Variants in PXDN observed in about 807,000 individuals in gnomAD.
The protein encoded by PXDN is peroxidasin homolog.
In PXDN, 77 loss-of-function variants were observed where a neutral mutation model predicts 140.3. The ratio of observed to expected loss-of-function variants is 0.55; its 90% CI spans 0.46 to 0.66. PXDN has a LOEUF of 0.66. Ranked by LOEUF, PXDN falls within the 30% of genes least tolerant of loss-of-function variation. The pLI, the probability that PXDN is intolerant of heterozygous loss-of-function variation, is 0.00. For synonymous variants in PXDN, 911 were observed against 857.4 expected, an observed-to-expected ratio of 1.06 and a Z score of -1.09; for missense variants, 1,838 against 2,039.5, an observed-to-expected ratio of 0.90 and a Z score of 1.90.
chr2:1,693,105 ATCTC>A lies in PXDN; in HGVS notation c.226_229del (p.Glu76SerfsTer9). The A allele has an allele frequency of 6.4e-7, 1 of 1,558,940 alleles. No homozygotes were observed. Among genetic ancestry groups the A allele is most frequent in the Non-Finnish European group, 8.7e-7 (1 of 1,149,730 alleles). ...CAGCCGCCTGAATGCCCCAGGTTGG[ATCTC>A]TCTGATTCTGTTAAAGCGAAGATCT... On this transcript the variant is annotated frameshift_variant, in exon 2 of 23. Transcript: ENST00000252804. LOFTEE classifies it high-confidence loss of function.
intron 1 of PXDN, among the ~76,000 whole-genome samples, chr2:1,737,354 A>G (rs6737978): frequency 0.52 from 78,297 of 151,898 alleles, 20,402 homozygotes; most frequent in Admixed American, 0.59. Flanking sequence ...CTGATCTCGT[A>G]TCTACGCCAG....
Position 1,633,646 on chromosome 2 carries a change from G to C in PXDN, c.*558C>G, listed in dbSNP as rs1490405262. On this transcript the variant is annotated 3_prime_UTR_variant, in exon 23 of 23. Coordinates refer to ENST00000252804, the MANE Select transcript of PXDN (RefSeq NM_012293.3). Reference sequence around the variant, plus strand: ...GGCTTGCACTGCACCCCCAGACAGTGTCCCTGTGAACGCTCTCATCAAAGG... The same window carrying C: ...GGCTTGCACTGCACCCCCAGACAGTCTCCCTGTGAACGCTCTCATCAAAGG... 1 of 151,422 alleles carries C rather than the reference G, an allele frequency of 6.6e-6. No homozygotes were observed. Among genetic ancestry groups the C allele is most frequent in the African/African-American group, 2.4e-5 (1 of 41,236 alleles). 9.4% of individuals were successfully genotyped at this position (151,422 alleles called of 1,614,324 possible).
At chr2:1,640,775 G>A (rs1682707074) in intron 19 of PXDN, among the ~76,000 whole-genome samples, 1 of 152,204 alleles carries the variant, frequency 6.6e-6, no homozygotes, top group Non-Finnish European at 1.5e-5. Flanking sequence ...GGCAGGTGGG[G>A]TCCACCCAGG....
In PXDN at chr2:1,635,977, G is replaced by A. The variant is rs116330416; in HGVS notation, c.4207-456C>T. On this transcript the variant is annotated intron_variant, in intron 21 of 22. Transcript: ENST00000252804. ...AACCGCTGTGCCATGCACAGGGGTA[G>A]CAGAAGCCTCCTGGAAGGGTCTCCT... 5.8e-3 allele frequency: 1,654 copies of A among 283,918 alleles called. 25 individuals are homozygous for A. The highest frequency in any genetic ancestry group is 0.034 in the African/African-American group (1,533 of 44,804). The allele number at this position is 283,918 out of a possible 1,614,324, so 17.6% of individuals were successfully genotyped here. A position where few individuals can be genotyped will look rare whatever the true frequency, so the allele number is the denominator to read the frequency against.
chr2:1,733,853 T>G (rs1210550646), intron 1 of PXDN, among the ~76,000 whole-genome samples: 2 of 151,918 alleles, frequency 1.3e-5, no homozygotes, highest in Non-Finnish European at 2.9e-5. Flanking sequence ...AAGCACTGTT[T>G]AAACATCCAA....
intron 14 of PXDN, among the ~76,000 whole-genome samples, chr2:1,656,399 A>G (rs763850874): frequency 4.6e-5 from 7 of 152,244 alleles, no homozygotes; most frequent in Non-Finnish European, 8.8e-5. Context: ...TCTTCAACAT[A>G]CGCAATCTTT....
chr2:1,653,455 G>A (rs750747006), intron 16 of PXDN, 173 bp downstream of exon 16: 18 of 1,007,346 alleles, frequency 1.8e-5, no homozygotes, highest in Non-Finnish European at 2.4e-5. Context: ...AAGTGAGAGC[G>A]ACAGGGCTGT....
intron 1 of PXDN, among the ~76,000 whole-genome samples, chr2:1,720,629 T>TTCTCTCTCTCTGCATCTCTTTC (rs1240911565): frequency 2.6e-5 from 4 of 151,116 alleles, no homozygotes; most frequent in Non-Finnish European, 4.4e-5. Flanking sequence ...CTGCATCTCT[T>TTCTCTCTCTCTGCATCTCTTTC]TCTCTCTCTC....
chr2:1,658,810 A>C, intron 14 of PXDN, among the ~76,000 whole-genome samples: 1 of 107,156 alleles, frequency 9.3e-6, no homozygotes, highest in South Asian at 3.5e-4. Flanking sequence ...ACTCTCCCAG[A>C]CCAGGCTGCC....
chr2:1,650,052 G>A (rs1427114797), intron 16 of PXDN, among the ~76,000 whole-genome samples: 3 of 152,062 alleles, frequency 2.0e-5, no homozygotes, highest in South Asian at 2.1e-4. Context: ...TAAACGCCCC[G>A]TGTAAGAGAC....
intron 5 of PXDN, 90 bp from the exon 6 acceptor site, chr2:1,683,817 C>T (rs1189561906): frequency 6.6e-6 from 7 of 1,060,132 alleles, no homozygotes; most frequent in Non-Finnish European, 8.1e-6. Flanking sequence ...TATATATCAG[C>T]TTTAAAAAAA....
chr2:1,643,552 C>T lies in PXDN; in HGVS notation c.3768G>A (p.Val1256=). ...GDRLWYENPG[V]FSPAQLTQIK... is the part of the protein sequence containing the mutation. ...TCTGAGTCAGCTGGGCCGGGGAGAA[C>T]ACCCCAGGGTTCTCATACCACAACC... Residue 1256 remains valine, a synonymous_variant, in exon 19 of 23, where the codon GTG becomes GTA. Coordinates refer to ENST00000252804, the MANE Select transcript of PXDN (RefSeq NM_012293.3). The T allele has an allele frequency of 6.2e-7, 1 of 1,613,884 alleles. No individual in the cohort carries two copies.
At chr2:1,676,781 A>G (rs1380288524) in intron 8 of PXDN, 146 bp downstream of exon 8, 7 of 821,048 alleles carry the variant, frequency 8.5e-6, no homozygotes, top group Non-Finnish European at 1.4e-5. Context: ...CCGGAAAAGG[A>G]GCAGAAATAG....
At chr2:1,710,159 A>C (rs1225111824) in intron 1 of PXDN, among the ~76,000 whole-genome samples, 1 of 152,196 alleles carries the variant, frequency 6.6e-6, no homozygotes, top group East Asian at 1.9e-4. Flanking sequence ...GCGTGTTAAT[A>C]TACTTATGAA....
At chr2:1,647,462 CATTTTTTCCACCCCACAGGGTCCG>C (rs1224633285) in intron 17 of PXDN, among the ~76,000 whole-genome samples, 1 of 152,154 alleles carries the variant, frequency 6.6e-6, no homozygotes, top group African/African-American at 2.4e-5. Context: ...AAAACTTTGC[CATTTTTTCCACCCCACAGGGTCCG>C]AGGTCTCCTA....
intron 3 of PXDN, among the ~76,000 whole-genome samples, chr2:1,689,486 G>A (rs757759809): frequency 2.0e-5 from 3 of 152,172 alleles, no homozygotes; most frequent in Non-Finnish European, 4.4e-5. Flanking sequence ...GTTTTCATGA[G>A]AATAGGTGAG....
chr2:1,671,461 T>C (rs1438142529), intron 9 of PXDN, among the ~76,000 whole-genome samples: 2 of 151,994 alleles, frequency 1.3e-5, no homozygotes, highest in Non-Finnish European at 2.9e-5. Flanking sequence ...CTCAAATATA[T>C]GCACATGGAA....
intron 19 of PXDN, among the ~76,000 whole-genome samples, chr2:1,640,196 C>T (rs1682691331): frequency 6.6e-6 from 1 of 152,066 alleles, no homozygotes; most frequent in East Asian, 1.9e-4. Context: ...CCCTCAGTGC[C>T]GTGTCCCACC....
intron 9 of PXDN, among the ~76,000 whole-genome samples, chr2:1,668,811 G>A (rs941726496): frequency 6.6e-6 from 1 of 152,208 alleles, no homozygotes; most frequent in African/African-American, 2.4e-5. Flanking sequence ...AGATGCTGGC[G>A]AGGATGCAGA....
Sources: gnomAD v4.1 joint callset for allele counts (sites outside exome capture counted in the v4.1 genomes callset) on GRCh38, gnomAD v4.1.1 for gene constraint, MANE v1.5 for transcripts, NCBI Gene and HGNC (gene_info 2026-07-23, HGNC 2026-07-21) for gene names.